The following ZMYND11 variants were observed in gnomAD, a reference collection of about 807,000 sequenced individuals.
ZMYND11 encodes zinc finger MYND domain-containing protein 11.
ZMYND11 carries 9 observed loss-of-function variants against 84.9 expected under a neutral mutation model. The ratio of observed to expected loss-of-function variants is 0.11; its 90% CI spans 0.06 to 0.18. The LOEUF is 0.18. Ranked by LOEUF, ZMYND11 falls within the 10% of genes least tolerant of loss-of-function variation. The probability of loss-of-function intolerance (pLI) is 1.00; values close to 1 mark genes in which losing one functional copy is unlikely to be tolerated. For missense variants in ZMYND11, 409 were observed against 761.0 expected (o/e 0.54, Z 5.44); for synonymous variants, 250 against 244.1 (o/e 1.02, Z -0.23).
chr10:155,433 G>C (rs1400050520), intron 1 of ZMYND11, among the ~76,000 whole-genome samples: 2 of 152,134 alleles, frequency 1.3e-5, no homozygotes, highest in East Asian at 3.8e-4. Flanking sequence ...AGGATCTCTT[G>C]AGGCCAGTAG....
Position 135,982 on chromosome 10 carries a change from G to T in ZMYND11, c.-20+423G>T, listed in dbSNP as rs1554751972. Among the ~76,000 whole-genome samples the T allele has an allele frequency of 6.6e-6, 1 of 151,866 alleles. No individual in the cohort carries two copies. Among genetic ancestry groups the T allele is most frequent in the East Asian group, 1.9e-4 (1 of 5,154 alleles). On this transcript the variant is annotated intron_variant, in intron 1 of 14. Transcript: ENST00000381604. The surrounding 1 kb of genome is among the most constrained non-coding windows in gnomAD (Gnocchi z 5.6). ...CGCAGTCCGGGCCGGCGGGGAACGC[G>T]GCTCCGGGCGTGTGGCGGGCGGAGA...
In ZMYND11 at chr10:158,025, G is replaced by A. The variant is rs543147909; in HGVS notation, c.-19-21969G>A. On this transcript the variant is annotated intron_variant, in intron 1 of 14. Transcript: ENST00000381604. ...GTTTTCGAGGCTCATCCATGTTGCA[G>A]CATGTGTCAGTACCTTATTCCTTTT... Among the ~76,000 whole-genome samples the A allele has an allele frequency of 3.0e-4, 45 of 152,306 alleles. No individual in the cohort carries two copies. The East Asian group carries it at 4.8e-3, about 16-fold the overall frequency.
intron 1 of ZMYND11, among the ~76,000 whole-genome samples, chr10:139,304 T>A (rs151047153): frequency 6.1e-4 from 93 of 152,364 alleles, no homozygotes; most frequent in African/African-American, 2.1e-3. Flanking sequence ...GCAGATAGAC[T>A]TTCTGAATAA....
intron 1 of ZMYND11, among the ~76,000 whole-genome samples, chr10:139,076 G>C (rs1321235199): frequency 6.6e-6 from 1 of 152,146 alleles, no homozygotes; most frequent in Admixed American, 6.5e-5. Context: ...AAAGCGCTGG[G>C]ACTATAGGCA....
chr10:228,942 G>A (rs145206710), intron 4 of ZMYND11, among the ~76,000 whole-genome samples: 1 of 152,232 alleles, frequency 6.6e-6, no homozygotes, highest in Non-Finnish European at 1.5e-5. Context: ...TTTAGCAGGT[G>A]TGTGTGTGTA....
chr10:227,596 G>T (rs1411435686), intron 4 of ZMYND11, among the ~76,000 whole-genome samples: 1 of 152,102 alleles, frequency 6.6e-6, no homozygotes, highest in Non-Finnish European at 1.5e-5. Flanking sequence ...AGAGAAATTT[G>T]TTTCTGGATA....
intron 1 of ZMYND11, among the ~76,000 whole-genome samples, chr10:175,751 A>G: frequency 6.6e-6 from 1 of 152,318 alleles, no homozygotes; most frequent in African/African-American, 2.4e-5. Flanking sequence ...TAAACCTAAT[A>G]TAAAAATTAA....
At chr10:168,454 A>G (rs139689330) in intron 1 of ZMYND11, among the ~76,000 whole-genome samples, 1 of 152,158 alleles carries the variant, frequency 6.6e-6, no homozygotes, top group Non-Finnish European at 1.5e-5. Flanking sequence ...TCTTAAAAGA[A>G]AATTTAACAT....
intron 1 of ZMYND11, among the ~76,000 whole-genome samples, chr10:167,751 G>A (rs879954797): frequency 1.3e-5 from 2 of 151,868 alleles, no homozygotes; most frequent in Admixed American, 6.6e-5. Flanking sequence ...TTAATACCTG[G>A]TAGTTAACCA....
chr10:188,121 CATA>C (rs1403906790), intron 2 of ZMYND11, among the ~76,000 whole-genome samples: 15 of 152,114 alleles, frequency 9.9e-5, no homozygotes, highest in African/African-American at 3.6e-4. Context: ...GAATAGGTAT[CATA>C]ATAAACTTTT....
chr10:185,142 T>A (rs1937847683), intron 2 of ZMYND11, among the ~76,000 whole-genome samples: 2 of 152,032 alleles, frequency 1.3e-5, no homozygotes, highest in Non-Finnish European at 2.9e-5. Context: ...TCCTGACCAG[T>A]TTCAGTGCTA....
At chr10:247,035 T>C (rs1952300956) in intron 11 of ZMYND11, 62 bp downstream of exon 11, 2 of 1,428,056 alleles carry the variant, frequency 1.4e-6, no homozygotes, top group African/African-American at 2.8e-5. Flanking sequence ...GAAATCTTAG[T>C]GCACACTCCT....
At chr10:200,128 A>G (rs188367698) in intron 2 of ZMYND11, among the ~76,000 whole-genome samples, 41 of 151,116 alleles carry the variant, frequency 2.7e-4, no homozygotes, top group Admixed American at 2.4e-3. Context: ...ACACTCTAAC[A>G]GAGGTTTTGG....
chr10:241,946 T>C (rs935774702), intron 9 of ZMYND11, 75 bp from the exon 10 acceptor site: 13 of 1,502,594 alleles, frequency 8.7e-6, no homozygotes, highest in Non-Finnish European at 1.0e-5. Flanking sequence ...TATATGTGAC[T>C]AGTTTAATAT....
rs184875025 is a variant in ZMYND11, at chr10:151,806, A to G, written c.-20+16247A>G. ...AAATGAAGGAAAAGATGTTAAGGGC[A>G]GCCAATGAGAAAGGTTGGGTTACCC... On this transcript the variant is annotated intron_variant, in intron 1 of 14. Transcript: ENST00000381604. Among the ~76,000 whole-genome samples, 32 of 152,298 alleles carry G rather than the reference A, an allele frequency of 2.1e-4. No individual in the cohort carries two copies. In the East Asian group the frequency reaches 5.2e-3, roughly 25 times the overall value.
Position 252,436 on chromosome 10 carries a change from C to T in ZMYND11, c.1775C>T (p.Ala592Val), listed in dbSNP as rs1356113976. 6 of 1,613,172 alleles carry T rather than the reference C, an allele frequency of 3.7e-6. No individual in the cohort carries two copies. The highest frequency in any genetic ancestry group is 4.2e-6 in the Non-Finnish European group (5 of 1,179,992). ...SIKCQQEHWH[A>V]EHKRTCRRKR Reference sequence around the variant, plus strand: ...AAGTGCCAGCAGGAGCACTGGCACGCGGAGCACAAGCGCACCTGCCGCCGG... The same window carrying T: ...AAGTGCCAGCAGGAGCACTGGCACGTGGAGCACAAGCGCACCTGCCGCCGG... Residue 592 changes from alanine to valine, a missense_variant, in exon 15 of 15, where the codon GCG (alanine) becomes GTG (valine). Ala to Val is a moderately conservative substitution (Grantham distance 64). Around this residue, in one of 7 missense-constraint regions of ZMYND11, gnomAD observed 16 missense variants for 57.7 expected, o/e 0.28. Transcript: ENST00000381604. This position sits in a 1 kb window ranked among gnomAD's most constrained non-coding sequence, Gnocchi z 4.6.
intron 4 of ZMYND11, among the ~76,000 whole-genome samples, chr10:235,654 G>A (rs1413168232): frequency 1.3e-5 from 2 of 152,182 alleles, no homozygotes; most frequent in Non-Finnish European, 1.5e-5. Flanking sequence ...CGAGGCCAGG[G>A]TTGAGAAGAA....
intron 4 of ZMYND11, among the ~76,000 whole-genome samples, chr10:229,333 G>A (rs1311209962): frequency 2.6e-5 from 4 of 152,096 alleles, no homozygotes; most frequent in Non-Finnish European, 5.9e-5. Flanking sequence ...ACCTTGAGAC[G>A]TTCTTAGTAG....
At chr10:143,653 T>C (rs1307872069) in intron 1 of ZMYND11, among the ~76,000 whole-genome samples, 4 of 152,242 alleles carry the variant, frequency 2.6e-5, no homozygotes, top group Non-Finnish European at 4.4e-5. Flanking sequence ...TCTACAGTAT[T>C]TTTTTCTACT....
Sources: gnomAD v4.1 joint callset for allele counts (sites outside exome capture counted in the v4.1 genomes callset) on GRCh38, gnomAD v4.1.1 for gene constraint, gnomAD v4.1.1 regional missense constraint, Gnocchi (gnomAD v3.1) non-coding constraint, MANE v1.5 for transcripts, NCBI Gene and HGNC (gene_info 2026-07-23, HGNC 2026-07-21) for gene names.